Variants in WDFY4 observed in about 807,000 individuals in gnomAD.
WDFY4 encodes the protein WDFY family member 4, also known as WD repeat- and FYVE domain-containing protein 4.
A neutral mutation model predicts 351.9 loss-of-function variants in WDFY4; 169 were observed. That is an observed-to-expected ratio of 0.48 (90% CI 0.42 to 0.55). The LOEUF (loss-of-function observed/expected upper bound fraction) is 0.55, where lower values mean the gene tolerates loss of function less well. WDFY4 is among the 20% of genes least tolerant of loss of function. WDFY4 has a pLI of 0.00. For synonymous variants in WDFY4, 1,622 were observed against 1,574.6 expected, an observed-to-expected ratio of 1.03 and a Z score of -0.71; for missense variants, 3,803 against 3,935.6, an observed-to-expected ratio of 0.97 and a Z score of 0.90.
intron 59 of WDFY4, 183 bp downstream of exon 59, chr10:48,977,162 A>ATC: frequency 4.5e-6 from 2 of 443,040 alleles, no homozygotes; most frequent in Non-Finnish European, 7.5e-6. Flanking sequence ...AAATAAAATT[A>ATC]TATATATAGT....
chr10:48,836,392 C>T (rs1276662854), intron 39 of WDFY4, among the ~76,000 whole-genome samples: 1 of 152,172 alleles, frequency 6.6e-6, no homozygotes, highest in Non-Finnish European at 1.5e-5. Context: ...TATTCAGGCA[C>T]AAGTGCATGA....
chr10:48,881,934 C>G (rs151023116), intron 43 of WDFY4, among the ~76,000 whole-genome samples: 1 of 152,204 alleles, frequency 6.6e-6, no homozygotes, highest in Admixed American at 6.5e-5. Flanking sequence ...TACCCCAGCC[C>G]CCTCTTATTG....
chr10:48,884,872 C>T (rs1038670768), intron 43 of WDFY4, among the ~76,000 whole-genome samples: 2 of 152,190 alleles, frequency 1.3e-5, no homozygotes, highest in African/African-American at 4.8e-5. Flanking sequence ...CTTTTCCTTC[C>T]ACACTGCTGG....
At chr10:48,692,055 T>C (rs1233385604) in intron 1 of WDFY4, among the ~76,000 whole-genome samples, 3 of 151,986 alleles carry the variant, frequency 2.0e-5, no homozygotes, top group Non-Finnish European at 4.4e-5. Flanking sequence ...GGATGGGGGG[T>C]GTGAGCCTCA....
chr10:48,969,398 G>C, intron 56 of WDFY4, 150 bp downstream of exon 56: 1 of 1,032,076 alleles, frequency 9.7e-7, no homozygotes, highest in East Asian at 2.6e-5. Context: ...AAAGGACTCA[G>C]TGACCATGCA....
intron 31 of WDFY4, among the ~76,000 whole-genome samples, chr10:48,816,732 A>G (rs549515719): frequency 7.9e-5 from 12 of 152,374 alleles, no homozygotes; most frequent in African/African-American, 2.9e-4. Context: ...AAGTAAAAAT[A>G]TAAGACCAAA....
intron 10 of WDFY4, 55 bp from the exon 11 acceptor site, chr10:48,735,825 T>A (rs2064641110): frequency 6.9e-7 from 1 of 1,438,952 alleles, no homozygotes; most frequent in African/African-American, 1.4e-5. Context: ...TGATTGAAAC[T>A]GAAGTGGCAA....
chr10:48,852,561 T>C (rs2068992287), intron 39 of WDFY4, among the ~76,000 whole-genome samples: 1 of 152,174 alleles, frequency 6.6e-6, no homozygotes, highest in African/African-American at 2.4e-5. Flanking sequence ...CTCCCAAGCA[T>C]TCACCACTCT....
At chr10:48,900,716 C>T (rs901035996) in intron 46 of WDFY4, among the ~76,000 whole-genome samples, 4 of 152,146 alleles carry the variant, frequency 2.6e-5, no homozygotes, top group African/African-American at 4.8e-5. Context: ...TTAGTTGCTC[C>T]AATTTCATAT....
At chr10:48,872,236 A>C (rs1291752023) in intron 40 of WDFY4, among the ~76,000 whole-genome samples, 1 of 152,260 alleles carries the variant, frequency 6.6e-6, no homozygotes, top group East Asian at 1.9e-4. Flanking sequence ...TAAGTCTTCC[A>C]GTTTTTTGAA....
chr10:48,914,111 G>A (rs1287496073), intron 47 of WDFY4: 2 of 1,614,168 alleles, frequency 1.2e-6, no homozygotes, highest in African/African-American at 1.3e-5. Flanking sequence ...TGGCCACCTT[G>A]AGGGTGATCT....
chr10:48,744,980 A>G (rs2064965236), intron 12 of WDFY4, among the ~76,000 whole-genome samples: 1 of 152,110 alleles, frequency 6.6e-6, no homozygotes, highest in Admixed American at 6.5e-5. Flanking sequence ...AGTGTGCCCT[A>G]TGAACCAACT....
intron 39 of WDFY4, among the ~76,000 whole-genome samples, chr10:48,838,136 G>A (rs940082333): frequency 6.6e-6 from 1 of 152,266 alleles, no homozygotes; most frequent in African/African-American, 2.4e-5. Flanking sequence ...CCAGAAGCGT[G>A]AGGATGATCC....
chr10:48,830,930 A>C, intron 38 of WDFY4, 45 bp downstream of exon 38: 111 of 1,517,834 alleles, frequency 7.3e-5, no homozygotes, highest in Middle Eastern at 1.8e-4. Flanking sequence ...CCTGGGTCTC[A>C]CAGAGCCAGA....
chr10:48,885,680 G>GTA (rs1235123213), intron 43 of WDFY4, among the ~76,000 whole-genome samples: 5 of 151,782 alleles, frequency 3.3e-5, no homozygotes, highest in Non-Finnish European at 7.4e-5. Context: ...ATATATATGT[G>GTA]TATATATGTA....
intron 30 of WDFY4, 57 bp downstream of exon 30, chr10:48,811,765 T>A: frequency 6.6e-7 from 1 of 1,518,358 alleles, no homozygotes; most frequent in Non-Finnish European, 8.9e-7. Context: ...TCCACATGAC[T>A]AAGGCAGGTC....
intron 39 of WDFY4, among the ~76,000 whole-genome samples, chr10:48,853,639 A>T (rs2069030591): frequency 6.6e-6 from 1 of 152,236 alleles, no homozygotes; most frequent in Admixed American, 6.5e-5. Flanking sequence ...AAAATATTAA[A>T]TCAAAAAATG....
intron 43 of WDFY4, among the ~76,000 whole-genome samples, chr10:48,890,147 C>G (rs1289813506): frequency 1.3e-5 from 2 of 152,230 alleles, no homozygotes; most frequent in African/African-American, 4.8e-5. Flanking sequence ...CATTTGAATT[C>G]TAGTCCTGGC....
Position 48,890,564 on chromosome 10 carries a change from ACT to A in WDFY4, c.7168-9_7168-8del. 6.4e-7 allele frequency: 1 copy of A among 1,550,668 alleles called. No individual in the cohort carries two copies. The highest frequency in any genetic ancestry group is 8.7e-7 in the Non-Finnish European group (1 of 1,146,696). On this transcript the variant is annotated splice_polypyrimidine_tract_variant and intron_variant, in intron 43 of 61. Coordinates refer to ENST00000325239, the MANE Select transcript of WDFY4 (RefSeq NM_001394531.1). ...TTCCTGTGCACCACCTGACTCTGCCACTCTCTCCTTCCAGGTGACGCAGAAGT... is the reference window on the plus strand; with the variant it reads ...TTCCTGTGCACCACCTGACTCTGCCACTCTCCTTCCAGGTGACGCAGAAGT...
Sources: gnomAD v4.1 joint callset for allele counts (sites outside exome capture counted in the v4.1 genomes callset) on GRCh38, gnomAD v4.1.1 for gene constraint, MANE v1.5 for transcripts, NCBI Gene and HGNC (gene_info 2026-07-23, HGNC 2026-07-21) for gene names.